MYO1F: variants seen among roughly 807,000 people sequenced by gnomAD.
MYO1F encodes unconventional myosin-If.
MYO1F carries 60 observed loss-of-function variants against 146.6 expected under a neutral mutation model. That is an observed-to-expected ratio of 0.41 (90% CI 0.33 to 0.51). The LOEUF (loss-of-function observed/expected upper bound fraction) is 0.51. Ranked by LOEUF, MYO1F falls within the 20% of genes least tolerant of loss-of-function variation. MYO1F has a pLI of 0.25. For synonymous variants in MYO1F, 602 were observed against 602.1 expected (o/e 1.00, Z 0.00); for missense variants, 1,274 against 1,534.3 (o/e 0.83, Z 2.83).
intron 12 of MYO1F, among the ~76,000 whole-genome samples, chr19:8,547,119 GA>G (rs1289906496): frequency 6.6e-6 from 1 of 151,796 alleles, no homozygotes; most frequent in Non-Finnish European, 1.5e-5. Context: ...GCAACAAAGT[GA>G]AACACCAACT....
rs775670923 is a variant in MYO1F, at chr19:8,530,325, G to C, written c.2199C>G (p.Asn733Lys). ...ILLNKKERRRNSINRNFVGDY... is the reference protein window; with the variant it reads ...ILLNKKERRRKSINRNFVGDY... ...CCCCGACGAAGTTCCGATTGATGCT[G>C]TTGCGCCTCCGCTCCTTCTTGTTCA... The change falls in exon 21 of 28, where the codon AAC becomes AAG. Residue 733 changes from asparagine to lysine, a missense_variant. By Grantham distance (94) the Asn-to-Lys change is moderately conservative (BLOSUM62 0). This residue lies in a region of MYO1F where 900 missense variants were observed against 1,155.1 expected (regional missense o/e 0.78). Transcript: ENST00000644032. This position sits in a 1 kb window ranked among gnomAD's most constrained non-coding sequence, Gnocchi z 5.8. 12 of 1,614,182 alleles carry C rather than the reference G, an allele frequency of 7.4e-6. No homozygotes were observed. The highest frequency in any genetic ancestry group is 9.3e-6 in the Non-Finnish European group (11 of 1,180,034).
At chr19:8,535,976 C>T (rs1210255130) in intron 19 of MYO1F, among the ~76,000 whole-genome samples, 8 of 152,082 alleles carry the variant, frequency 5.3e-5, no homozygotes, top group African/African-American at 1.4e-4. Context: ...CCACCGCGCC[C>T]GGCAGTCGCA....
chr19:8,536,484 T>C lies in MYO1F; in HGVS notation c.1898+15A>G, dbSNP rs1241396392. ...ATGAAGGGGATGGCGAGGGCGGGGG[T>C]GGAGGGCTCCTCACCTCTGCAGGAA... On this transcript the variant is annotated intron_variant, in intron 18 of 27. Coordinates refer to ENST00000644032, the MANE Select transcript of MYO1F (RefSeq NM_012335.4). 3 of 1,602,434 alleles carry C rather than the reference T, an allele frequency of 1.9e-6. No individual in the cohort carries two copies. The highest frequency in any genetic ancestry group is 2.6e-6 in the Non-Finnish European group (3 of 1,172,688).
intron 1 of MYO1F, among the ~76,000 whole-genome samples, chr19:8,560,401 C>T (rs1227048058): frequency 6.6e-6 from 1 of 151,440 alleles, no homozygotes; most frequent in Non-Finnish European, 1.5e-5. Context: ...AGGAGACTCG[C>T]TTGATCCCGG....
chr19:8,522,700 G>C lies in MYO1F; in HGVS notation c.2984C>G (p.Pro995Arg). The change falls in exon 26 of 28, where the codon CCC becomes CGC. Residue 995 changes from proline to arginine, a missense_variant. Physicochemically the swap from Pro to Arg is moderately radical, Grantham distance 103. Transcript: ENST00000644032. ...PSTSLGASRRPRARPPSEHNT... is the reference protein window; with the variant it reads ...PSTSLGASRRRRARPPSEHNT... Reference sequence around the variant, plus strand: ...GTGCTCTGAGGGCGGACGTGCCCGGGGTCGTCTGCTGGCTCCCAGGGATGT... The same window carrying C: ...GTGCTCTGAGGGCGGACGTGCCCGGCGTCGTCTGCTGGCTCCCAGGGATGT... 1 of 1,613,924 alleles carries C rather than the reference G, an allele frequency of 6.2e-7. No individual in the cohort carries two copies. Among genetic ancestry groups the C allele is most frequent in the Non-Finnish European group, 8.5e-7 (1 of 1,179,988 alleles).
intron 14 of MYO1F, chr19:8,543,996 C>CTGGTGG (rs1339122854): frequency 5.1e-4 from 71 of 138,586 alleles, no homozygotes; most frequent in Admixed American, 6.6e-4. Flanking sequence ...GGTGGTGGTG[C>CTGGTGG]TGGTGGTGGC....
chr19:8,550,497 G>T, intron 9 of MYO1F, 65 bp downstream of exon 9: 1 of 1,613,212 alleles, frequency 6.2e-7, no homozygotes. Flanking sequence ...TGGGGGCTGA[G>T]CTAGGAGGAC....
At chr19:8,550,385 G>A (rs1047848467) in intron 9 of MYO1F, 29 bp from the exon 10 acceptor site, 1 of 1,598,184 alleles carries the variant, frequency 6.3e-7, no homozygotes, top group East Asian at 2.3e-5. Flanking sequence ...GGGCAAAAAT[G>A]GGACAGTTGG....
rs1366433201 is a variant in MYO1F, at chr19:8,553,377, C to T, written c.387G>A (p.Lys129=). The part of the protein sequence containing the change: ...AAKYIMGYIS[K]VSGGGEKVQH... ...GGACCTTCTCGCCTCCGCCAGACAC[C>T]TTGGAGATGTAGCCCATGATATATT... The change falls in exon 5 of 28, where the codon AAG becomes AAA. Residue 129 remains lysine, a synonymous_variant. Transcript: ENST00000644032. 5.0e-6 allele frequency: 8 copies of T among 1,613,980 alleles called. No homozygotes were observed. Among genetic ancestry groups the T allele is most frequent in the Non-Finnish European group, 6.8e-6 (8 of 1,180,028 alleles).
chr19:8,545,075 G>A (rs113668631), intron 13 of MYO1F, among the ~76,000 whole-genome samples: 3,368 of 149,664 alleles, frequency 0.023, 96 homozygotes, highest in African/African-American at 0.067. Context: ...ACCATGTCCC[G>A]CCTAAATACG....
intron 6 of MYO1F, among the ~76,000 whole-genome samples, 163 bp from the exon 7 acceptor site, chr19:8,552,327 C>T (rs761430324): frequency 5.3e-5 from 8 of 151,964 alleles, no homozygotes; most frequent in Admixed American, 1.3e-4. Context: ...GGCGCAATGT[C>T]GGCTCACTGC....
intron 1 of MYO1F, among the ~76,000 whole-genome samples, chr19:8,556,887 C>CAAAA (rs534645939): frequency 1.2e-4 from 8 of 69,100 alleles, no homozygotes; most frequent in Admixed American, 1.7e-4. Flanking sequence ...AACTCTGTCT[C>CAAAA]AAAAAAAAAA....
Position 8,554,480 on chromosome 19 carries a change from A to G in MYO1F, c.323T>C (p.Ile108Thr). Residue 108 changes from isoleucine to threonine, a missense_variant, in exon 4 of 28, where the codon ATT becomes ACT. Ile to Thr is a moderately conservative substitution (Grantham distance 89). Coordinates refer to ENST00000644032, the MANE Select transcript of MYO1F (RefSeq NM_012335.4). ...LIDCENQCVI[I>T]SGESGAGKTV... Reference sequence around the variant, plus strand: ...GGCCCCCCAACTCTGTCCATACCTAATGATGACACACTGGTTCTCACAGTC... The same window carrying G: ...GGCCCCCCAACTCTGTCCATACCTAGTGATGACACACTGGTTCTCACAGTC... 6.2e-7 allele frequency: 1 copy of G among 1,607,282 alleles called. No individual in the cohort carries two copies. The highest frequency in any genetic ancestry group is 8.5e-7 in the Non-Finnish European group (1 of 1,174,436).
rs778366731 is a variant in MYO1F at position 8,554,679 on chromosome 19, C to T, written c.206G>A (p.Arg69His). ...CGCGCCCTGATAGAGGTCGATCTCA[C>T]GGTCGGTGAAGTAGGGCATCTGCTT... ...PFKQMPYFTD[R>H]EIDLYQGAAQ... Residue 69 changes from arginine (R) to histidine (H), a missense_variant, in exon 3 of 28, where the codon CGT becomes CAT. Coordinates refer to ENST00000644032, the MANE Select transcript of MYO1F (RefSeq NM_012335.4). 3.7e-5 allele frequency: 59 copies of T among 1,613,818 alleles called. No individual in the cohort carries two copies. The highest frequency in any genetic ancestry group is 1.8e-4 in the Admixed American group (11 of 59,948).
chr19:8,524,147 G>A (rs1377011083), intron 25 of MYO1F, among the ~76,000 whole-genome samples: 12 of 146,258 alleles, frequency 8.2e-5, no homozygotes, highest in African/African-American at 1.8e-4. Context: ...AAGGCCGGGC[G>A]CGGTGGCTCA....
At chr19:8,540,834 C>T (rs1204175420) in intron 15 of MYO1F, among the ~76,000 whole-genome samples, 1 of 152,096 alleles carries the variant, frequency 6.6e-6, no homozygotes, top group East Asian at 1.9e-4. Flanking sequence ...TGCTGAAACC[C>T]TTACGTGCAC....
chr19:8,534,880 T>C (rs1299183595), intron 19 of MYO1F, among the ~76,000 whole-genome samples: 1 of 151,820 alleles, frequency 6.6e-6, no homozygotes, highest in East Asian at 1.9e-4. Flanking sequence ...TCGCCTCGGC[T>C]TCCCAAAGTG....
chr19:8,555,828 C>G (rs777914288), intron 1 of MYO1F, 32 bp from the exon 2 acceptor site: 3 of 1,596,010 alleles, frequency 1.9e-6, no homozygotes, highest in Non-Finnish European at 8.5e-7. Context: ...GGGGTGAGCC[C>G]TTGCACGGGG....
At chr19:8,536,852 G>C in intron 17 of MYO1F, 97 bp downstream of exon 17, 1 of 853,874 alleles carries the variant, frequency 1.2e-6, no homozygotes, top group Non-Finnish European at 1.9e-6. Context: ...TAGTCCCTGG[G>C]TCATCCTACA....
Sources: gnomAD v4.1 joint callset for allele counts (sites outside exome capture counted in the v4.1 genomes callset) on GRCh38, gnomAD v4.1.1 for gene constraint, gnomAD v4.1.1 regional missense constraint, Gnocchi (gnomAD v3.1) non-coding constraint, MANE v1.5 for transcripts, NCBI Gene and HGNC (gene_info 2026-07-23, HGNC 2026-07-21) for gene names.